SARDH: variants seen among roughly 807,000 people sequenced by gnomAD.
SARDH encodes the protein sarcosine dehydrogenase, mitochondrial.
A neutral mutation model predicts 109.1 loss-of-function variants in SARDH; 95 were observed. The observed-to-expected ratio is 0.87, with a 90% CI of 0.74 to 1.03. The LOEUF (loss-of-function observed/expected upper bound fraction) is 1.03. Ranked by LOEUF, SARDH falls within the 50% of genes least tolerant of loss-of-function variation. The probability of loss-of-function intolerance (pLI) is 0.00; values close to 1 mark genes in which losing one functional copy is unlikely to be tolerated. For synonymous variants in SARDH, 572 were observed against 534.8 expected (o/e 1.07, Z -0.96); for missense variants, 1,267 against 1,287.8 (o/e 0.98, Z 0.25).
chr9:133,705,127 G>A (rs554404118), intron 11 of SARDH, 96 bp from the exon 12 acceptor site: 18 of 1,212,162 alleles, frequency 1.5e-5, no homozygotes, highest in Middle Eastern at 2.2e-4. Context: ...CCAAGGGTGC[G>A]GAGAGCAAGG....
Position 133,718,624 on chromosome 9 carries a change from T to C in SARDH, c.1020+314A>G, listed in dbSNP as rs765813431. 1 of 774,604 alleles carries C rather than the reference T, an allele frequency of 1.3e-6. No homozygotes were observed. The highest frequency in any genetic ancestry group is 1.7e-5 in the African/African-American group (1 of 59,184). The allele number at this position is 774,604 out of a possible 1,614,324, so 48.0% of individuals were successfully genotyped here. A position where few individuals can be genotyped will look rare whatever the true frequency, so the allele number is the denominator to read the frequency against. On this transcript the variant is annotated intron_variant, in intron 7 of 20. Coordinates refer to ENST00000439388, the MANE Select transcript of SARDH (RefSeq NM_001134707.2). The surrounding 1 kb of genome is among the most constrained non-coding windows in gnomAD (Gnocchi z 4.2). ...CTGCAGCAGCTGGTTGGGAGGGCAG[T>C]GTCATTTGCTGAAGGACGTAGGACT...
In SARDH at chr9:133,685,133, C is replaced by T. The variant is rs143735079; in HGVS notation, c.2163+60G>A. The T allele has an allele frequency of 7.4e-4, 1,078 of 1,452,956 alleles. 15 individuals carry two copies. In the East Asian group the frequency reaches 0.021, roughly 29 times the overall value. The allele number at this position is 1,452,956 out of a possible 1,614,324, so 90.0% of individuals were successfully genotyped here. A position where few individuals can be genotyped will look rare whatever the true frequency, so the allele number is the denominator to read the frequency against. ...AGCCCCCAGCCCCCAGATCCCCCGG[C>T]GCACCCCTCACACCATGCTGCCACC... is the stretch of plus-strand genomic sequence containing the variant. On this transcript the variant is annotated intron_variant, in intron 17 of 20. Transcript: ENST00000439388.
intron 10 of SARDH, among the ~76,000 whole-genome samples, chr9:133,711,084 C>T (rs181334188): frequency 1.6e-4 from 24 of 152,354 alleles, no homozygotes; most frequent in African/African-American, 5.1e-4. Context: ...GACAGCTGAC[C>T]GAGGGAGGCC....
intron 3 of SARDH, among the ~76,000 whole-genome samples, chr9:133,731,945 A>T (rs915591234): frequency 2.6e-5 from 4 of 152,144 alleles, no homozygotes; most frequent in East Asian, 1.9e-4. Flanking sequence ...CAGATAGACC[A>T]CGCCCCCACA....
chr9:133,696,571 T>A (rs1256515802), intron 13 of SARDH, among the ~76,000 whole-genome samples: 2 of 152,104 alleles, frequency 1.3e-5, no homozygotes, highest in Admixed American at 1.3e-4. Context: ...ATAGATAATA[T>A]GCTAAGCCAC....
At chr9:133,688,175 G>A (rs1206034295) in intron 16 of SARDH, among the ~76,000 whole-genome samples, 2 of 152,034 alleles carry the variant, frequency 1.3e-5, no homozygotes, top group African/African-American at 2.4e-5. Flanking sequence ...GCGGAGGTTG[G>A]GGTCACCCAG....
chr9:133,708,621 C>T (rs1831795479), intron 10 of SARDH, among the ~76,000 whole-genome samples, 193 bp from the exon 11 acceptor site: 1 of 152,164 alleles, frequency 6.6e-6, no homozygotes, highest in Non-Finnish European at 1.5e-5. Context: ...CAGAGCCACC[C>T]CACCCCAGTG....
chr9:133,683,057 C>T lies in SARDH; in HGVS notation c.2163+2136G>A, dbSNP rs539804889. ...ACCCCCCACGCTGTGTTTGGCCTGG[C>T]CTGTTCCTCTGGGGGATGTCATCCC... On this transcript the variant is annotated intron_variant, in intron 17 of 20. Transcript: ENST00000439388. Among the ~76,000 whole-genome samples the T allele has an allele frequency of 1.9e-3, 293 of 152,340 alleles. 1 individual carries two copies. Among genetic ancestry groups the T allele is most frequent in the Non-Finnish European group, 3.6e-3 (245 of 68,026 alleles).
chr9:133,663,959 G>A lies in SARDH; in HGVS notation c.2687C>T (p.Thr896Ile), dbSNP rs756954902. ...GDYALERMGV[T>I]YGAQAHLKSP... ...CTTCAGGTGAGCCTGGGCACCATAGGTCACCCCCATTCTCTCCAGGGCATA... is the reference window on the plus strand; with the variant it reads ...CTTCAGGTGAGCCTGGGCACCATAGATCACCCCCATTCTCTCCAGGGCATA... The change falls in exon 21 of 21, where the codon ACC (threonine) becomes ATC (isoleucine). Residue 896 changes from threonine (T) to isoleucine (I), a missense_variant. By Grantham distance (89) the Thr-to-Ile change is moderately conservative. Coordinates refer to ENST00000439388, the MANE Select transcript of SARDH (RefSeq NM_001134707.2). 6.2e-7 allele frequency: 1 copy of A among 1,614,062 alleles called. No individual in the cohort carries two copies. The highest frequency in any genetic ancestry group is 1.3e-5 in the African/African-American group (1 of 74,910).
chr9:133,666,705 G>A lies in SARDH; in HGVS notation c.2631+30C>T, dbSNP rs200423428. ...TGGAGCTGGTGAGGGATCGGCATCT[G>A]CCTTAGCAGGGCCAGAGAAGGGGAC... is the stretch of plus-strand genomic sequence containing the variant. On this transcript the variant is annotated intron_variant, in intron 20 of 20. Coordinates refer to ENST00000439388, the MANE Select transcript of SARDH (RefSeq NM_001134707.2). This position sits in a 1 kb window ranked among gnomAD's most constrained non-coding sequence, Gnocchi z 5.2. 3.2e-6 allele frequency: 5 copies of A among 1,568,804 alleles called. No individual in the cohort carries two copies. The East Asian group carries it at 7.1e-5, about 22-fold the overall frequency.
intron 16 of SARDH, among the ~76,000 whole-genome samples, chr9:133,689,149 C>T (rs1177510328): frequency 1.3e-5 from 2 of 151,240 alleles, no homozygotes; most frequent in African/African-American, 2.4e-5. Context: ...GTGCTCACCT[C>T]GGCGACCTTC....
intron 20 of SARDH, among the ~76,000 whole-genome samples, chr9:133,665,730 C>A (rs532895506): frequency 6.6e-6 from 1 of 152,224 alleles, no homozygotes; most frequent in East Asian, 1.9e-4. Context: ...ATTGGGCCTG[C>A]GAGCTGGGCC....
intron 14 of SARDH, 119 bp from the exon 15 acceptor site, chr9:133,694,490 C>T (rs1476818957): frequency 1.4e-5 from 12 of 829,532 alleles, no homozygotes; most frequent in Admixed American, 7.0e-5. Context: ...GGATAACCCC[C>T]AGACAGGATG....
In SARDH at chr9:133,732,610, G is replaced by A. The variant is rs763523688; in HGVS notation, c.332-9C>T. The A allele has an allele frequency of 1.3e-6, 2 of 1,593,526 alleles. No homozygotes were observed. Among genetic ancestry groups the A allele is most frequent in the Non-Finnish European group, 8.6e-7 (1 of 1,168,752 alleles). On this transcript the variant is annotated splice_polypyrimidine_tract_variant and intron_variant, in intron 2 of 20. Coordinates refer to ENST00000439388, the MANE Select transcript of SARDH (RefSeq NM_001134707.2). Reference sequence around the variant, plus strand: ...CAGCTGCCACAGCAGGCCTGCCCGGGAGGGTGGGTGCCATCACTCCCCAGG... The same window carrying A: ...CAGCTGCCACAGCAGGCCTGCCCGGAAGGGTGGGTGCCATCACTCCCCAGG...
At chr9:133,697,112 C>T (rs1004062842) in intron 13 of SARDH, among the ~76,000 whole-genome samples, 2 of 152,144 alleles carry the variant, frequency 1.3e-5, no homozygotes, top group Non-Finnish European at 2.9e-5. Flanking sequence ...GAATGAAAGA[C>T]AGGAGATCAT....
chr9:133,668,025 G>A (rs565319265), intron 19 of SARDH, among the ~76,000 whole-genome samples: 4 of 152,146 alleles, frequency 2.6e-5, no homozygotes, highest in Admixed American at 6.5e-5. Context: ...TGAGCAGAGC[G>A]CACTGGGTCA....
downstream of SARDH, among the ~76,000 whole-genome samples, chr9:133,661,350 C>CAA (rs1564218103): frequency 6.9e-6 from 1 of 144,700 alleles, no homozygotes; most frequent in African/African-American, 2.8e-5. Flanking sequence ...AAAAAAAAAA[C>CAA]AACAACAACA....
chr9:133,728,722 T>C lies in SARDH; in HGVS notation c.915+1043A>G, dbSNP rs765014316. On this transcript the variant is annotated intron_variant, in intron 6 of 20. Transcript: ENST00000439388. This position sits in a 1 kb window ranked among gnomAD's most constrained non-coding sequence, Gnocchi z 5.0. ...TGTGTTATGGCCACAGCTTCTAGAA[T>C]AGGGCCTGAAACACCAAGCTCACCC... is the stretch of plus-strand genomic sequence containing the variant. 2.0e-4 allele frequency among the ~76,000 whole-genome samples: 31 copies of C among 152,078 alleles called. 1 individual carries two copies. The highest frequency in any genetic ancestry group is 4.1e-4 in the Non-Finnish European group (28 of 68,026).
At chr9:133,703,155 T>G in intron 12 of SARDH, 126 bp from the exon 13 acceptor site, 1 of 776,908 alleles carries the variant, frequency 1.3e-6, no homozygotes, top group South Asian at 1.6e-5. Flanking sequence ...AGCCCTGCAC[T>G]GAGTGCCCGT....
Sources: gnomAD v4.1 joint callset for allele counts (sites outside exome capture counted in the v4.1 genomes callset) on GRCh38, gnomAD v4.1.1 for gene constraint, Gnocchi (gnomAD v3.1) non-coding constraint, MANE v1.5 for transcripts, NCBI Gene and HGNC (gene_info 2026-07-23, HGNC 2026-07-21) for gene names.